Variants in CDH1 observed in about 807,000 individuals in gnomAD.
CDH1 encodes the protein cadherin-1.
CDH1 carries 35 observed loss-of-function variants against 84.5 expected under a neutral mutation model. That is an observed-to-expected ratio of 0.41 (90% CI 0.32 to 0.55). The LOEUF is 0.55. Among genes scored for constraint, CDH1 ranks in the 20% least tolerant of loss-of-function variants. The probability of loss-of-function intolerance (pLI) is 0.19; values close to 1 mark genes in which losing one functional copy is unlikely to be tolerated. For missense variants in CDH1, 994 were observed against 1,126.6 expected (o/e 0.88, Z 1.68); for synonymous variants, 417 against 439.0 (o/e 0.95, Z 0.63).
chr16:68,739,190 G>T (rs913952654), intron 2 of CDH1, among the ~76,000 whole-genome samples: 3 of 151,768 alleles, frequency 2.0e-5, no homozygotes, highest in Non-Finnish European at 4.4e-5. Flanking sequence ...CGAGGTGGGC[G>T]GATCACAAGG....
Position 68,831,912 on chromosome 16 carries a change from T to G in CDH1, c.2440-1378T>G, listed in dbSNP as rs372443922. ...ACTCATTTGCAAGTCATCACTTGTATTTGCAGTTTTTATTTAAACTATAAA... is the reference window on the plus strand; with the variant it reads ...ACTCATTTGCAAGTCATCACTTGTAGTTGCAGTTTTTATTTAAACTATAAA... On this transcript the variant is annotated intron_variant, in intron 15 of 15. Coordinates refer to ENST00000261769, the MANE Select transcript of CDH1 (RefSeq NM_004360.5). Among the ~76,000 whole-genome samples the G allele has an allele frequency of 2.6e-5, 4 of 152,254 alleles. No individual in the cohort carries two copies. In the East Asian group the frequency reaches 7.7e-4, roughly 29 times the overall value.
At chr16:68,786,715 G>A (rs1450178440) in intron 2 of CDH1, among the ~76,000 whole-genome samples, 2 of 151,762 alleles carry the variant, frequency 1.3e-5, no homozygotes, top group Non-Finnish European at 2.9e-5. Flanking sequence ...ATTTGTTCTT[G>A]ATAATGAAAA....
chr16:68,750,655 C>A (rs761828581), intron 2 of CDH1, among the ~76,000 whole-genome samples: 5 of 151,476 alleles, frequency 3.3e-5, no homozygotes, highest in African/African-American at 1.2e-4. Context: ...AAGAAGAGCA[C>A]CTGATTCTGT....
intron 2 of CDH1, among the ~76,000 whole-genome samples, chr16:68,761,040 T>G (rs1274507112): frequency 6.6e-6 from 1 of 152,160 alleles, no homozygotes; most frequent in Non-Finnish European, 1.5e-5. Context: ...GAACTTCCGG[T>G]CCTCGAGTCA....
rs540884383 is a variant in CDH1 at position 68,828,984 on chromosome 16, T to A, written c.2296-670T>A. 7.8e-4 allele frequency among the ~76,000 whole-genome samples: 119 copies of A among 152,082 alleles called. 1 individual carries two copies. The highest frequency in any genetic ancestry group is 2.4e-4 in the Non-Finnish European group (16 of 68,020). ...GTTCTAGATTTCAGGGACTTGTAAGTCTAGTTTGGGGATACCACGTATATT... is the reference window on the plus strand; with the variant it reads ...GTTCTAGATTTCAGGGACTTGTAAGACTAGTTTGGGGATACCACGTATATT... On this transcript the variant is annotated intron_variant, in intron 14 of 15. Transcript: ENST00000261769.
Position 68,813,416 on chromosome 16 carries a change from C to A in CDH1, c.1241C>A (p.Thr414Asn), listed in dbSNP as rs755571454. The part of the protein sequence containing the change: ...PNTPAWEAVY[T>N]ILNDDGGQFV... ...ACCCCAGCGTGGGAGGCTGTATACA[C>A]CATATTGAATGATGATGGTGGACAA... The change falls in exon 9 of 16, where the codon ACC (threonine) becomes AAC (asparagine). Residue 414 changes from threonine to asparagine, a missense_variant. By Grantham distance (65) the Thr-to-Asn change is moderately conservative (BLOSUM62 0). Transcript: ENST00000261769. The A allele has an allele frequency of 5.6e-6, 9 of 1,613,974 alleles. No homozygotes were observed. The African/African-American group carries it at 9.3e-5, about 17-fold the overall frequency.
chr16:68,769,789 C>A (rs1162767525), intron 2 of CDH1, among the ~76,000 whole-genome samples: 1 of 151,766 alleles, frequency 6.6e-6, no homozygotes, highest in South Asian at 2.1e-4. Flanking sequence ...TTAGCTGGGG[C>A]CTGGCGCGGT....
At chr16:68,739,946 G>T (rs1271321292) in intron 2 of CDH1, among the ~76,000 whole-genome samples, 1 of 152,072 alleles carries the variant, frequency 6.6e-6, no homozygotes, top group Middle Eastern at 3.2e-3. Flanking sequence ...AAAAAAGCAT[G>T]GTAGTTCTGA....
chr16:68,766,797 G>A (rs1231621174), intron 2 of CDH1, among the ~76,000 whole-genome samples: 1 of 151,016 alleles, frequency 6.6e-6, no homozygotes, highest in Non-Finnish European at 1.5e-5. Context: ...GTGTGATCTC[G>A]GCTCACTACA....
intron 2 of CDH1, among the ~76,000 whole-genome samples, chr16:68,760,190 C>G (rs1033078107): frequency 6.7e-6 from 1 of 149,542 alleles, no homozygotes; most frequent in African/African-American, 2.4e-5. Flanking sequence ...AGCTCTGCCT[C>G]CCGGGTTCAT....
At chr16:68,833,222 C>T (rs1961530111) in intron 15 of CDH1, 68 bp from the exon 16 acceptor site, 1 of 1,393,624 alleles carries the variant, frequency 7.2e-7, no homozygotes, top group Non-Finnish European at 1.0e-6. Context: ...TATTGCTAGA[C>T]TTCTTGCCCC....
intron 2 of CDH1, among the ~76,000 whole-genome samples, chr16:68,759,493 T>A (rs1597855608): frequency 6.8e-6 from 1 of 147,386 alleles, no homozygotes; most frequent in South Asian, 2.1e-4. Flanking sequence ...CTTTCTTTTT[T>A]TTTTTTTTTT....
intron 3 of CDH1, among the ~76,000 whole-genome samples, chr16:68,804,485 C>T (rs1308977837): frequency 6.6e-6 from 1 of 152,118 alleles, no homozygotes; most frequent in Non-Finnish European, 1.5e-5. Flanking sequence ...CAAAATTTAG[C>T]CTCATGACCA....
chr16:68,745,533 CAAAAAAA>C (rs67825283), intron 2 of CDH1, among the ~76,000 whole-genome samples: 1 of 40,436 alleles, frequency 2.5e-5, no homozygotes, highest in African/African-American at 1.0e-4. Flanking sequence ...GATCCTGTCT[CAAAAAAA>C]AAAAAAAAAA....
At chr16:68,823,323 C>G (rs1191993332) in intron 12 of CDH1, 76 bp from the exon 13 acceptor site, 2 of 1,062,518 alleles carry the variant, frequency 1.9e-6, no homozygotes, top group Non-Finnish European at 2.9e-6. Flanking sequence ...CTTTAGTTCA[C>G]TAGCAATTTT....
chr16:68,815,806 A>G (rs1347561992), intron 10 of CDH1, 47 bp downstream of exon 10: 3 of 1,595,844 alleles, frequency 1.9e-6, no homozygotes, highest in Non-Finnish European at 2.6e-6. Context: ...TGGTTATTTT[A>G]TATCATTTTA....
intron 5 of CDH1, 25 bp from the exon 6 acceptor site, chr16:68,810,172 A>T (rs747621972): frequency 6.2e-7 from 1 of 1,613,946 alleles, no homozygotes; most frequent in Non-Finnish European, 8.5e-7. Flanking sequence ...TCAGAGCTCA[A>T]GTCACCCTCA....
At chr16:68,799,995 G>A (rs1015644446) in intron 2 of CDH1, among the ~76,000 whole-genome samples, 5 of 149,582 alleles carry the variant, frequency 3.3e-5, no homozygotes, top group Non-Finnish European at 7.4e-5. Flanking sequence ...CGGCAACAGA[G>A]CGAGACTGTC....
At chr16:68,810,097 G>T in intron 5 of CDH1, 100 bp from the exon 6 acceptor site, 5 of 1,231,318 alleles carry the variant, frequency 4.1e-6, no homozygotes, top group Admixed American at 1.7e-5. Flanking sequence ...AGCCTAGGAA[G>T]GTGTGGCAGC....
Sources: allele counts gnomAD v4.1 joint callset (sites outside exome capture counted in the v4.1 genomes callset), GRCh38; gene constraint gnomAD v4.1.1; transcripts MANE v1.5; gene names NCBI Gene and HGNC (gene_info 2026-07-23, HGNC 2026-07-21).